The following PEAK1 variants were observed in gnomAD, a reference collection of about 807,000 sequenced individuals.
PEAK1 encodes pseudopodium enriched atypical kinase 1.
In PEAK1, 54 loss-of-function variants were observed where a neutral mutation model predicts 124.7. The ratio of observed to expected loss-of-function variants is 0.43; its 90% CI spans 0.35 to 0.54. PEAK1 has a LOEUF of 0.54. Ranked by LOEUF, PEAK1 falls within the 20% of genes least tolerant of loss-of-function variation. The pLI is 0.01. For missense variants in PEAK1, 2,046 were observed against 2,134.5 expected (o/e 0.96, Z 0.82); for synonymous variants, 719 against 760.0 (o/e 0.95, Z 0.89).
At chr15:77,186,375 A>G (rs900644926) in intron 6 of PEAK1, among the ~76,000 whole-genome samples, 1 of 152,250 alleles carries the variant, frequency 6.6e-6, no homozygotes, top group African/African-American at 2.4e-5. Flanking sequence ...AGTAAAAGTA[A>G]GTTAATTCAG....
chr15:77,311,707 GA>G (rs2064473063), intron 2 of PEAK1, among the ~76,000 whole-genome samples: 1 of 95,920 alleles, frequency 1.0e-5, no homozygotes, highest in African/African-American at 3.7e-5. Flanking sequence ...AAAAAAAAAA[GA>G]AAAAGAAAAC....
intron 7 of PEAK1, among the ~76,000 whole-genome samples, chr15:77,162,385 C>T (rs564118896): frequency 2.6e-4 from 38 of 145,796 alleles, no homozygotes; most frequent in African/African-American, 8.9e-4. Flanking sequence ...TCCCAGGTAT[C>T]GGGGAGGCCG....
At position 77,374,018 on chromosome 15, in the gene PEAK1, A is replaced by C. The variant is rs74025195; in HGVS notation, c.-665-8793T>G. Among the ~76,000 whole-genome samples the C allele has an allele frequency of 3.3e-3, 503 of 152,354 alleles. 3 individuals are homozygous for C. The highest frequency in any genetic ancestry group is 0.011 in the African/African-American group (477 of 41,584). On this transcript the variant is annotated intron_variant, in intron 1 of 9. Coordinates refer to ENST00000682557, the MANE Select transcript of PEAK1 (RefSeq NM_001385026.1). The stretch of plus-strand genomic sequence containing the variant: ...GCTTATCTTGATAATGTGCAAAAAA[A>C]TCTTCAATGTGATACTTTATAGAGA...
chr15:77,148,952 T>A (rs1359584024), intron 8 of PEAK1, among the ~76,000 whole-genome samples: 2 of 152,128 alleles, frequency 1.3e-5, no homozygotes, highest in Admixed American at 6.6e-5. Flanking sequence ...AGTATTTTTT[T>A]AAAAGGAAAA....
chr15:77,202,161 A>G (rs1050675571), intron 6 of PEAK1, among the ~76,000 whole-genome samples: 2 of 152,104 alleles, frequency 1.3e-5, no homozygotes, highest in African/African-American at 4.8e-5. Context: ...TAAAACCTCT[A>G]TGTTCAAGAA....
At chr15:77,249,304 C>A (rs142967994) in intron 6 of PEAK1, among the ~76,000 whole-genome samples, 1 of 152,050 alleles carries the variant, frequency 6.6e-6, no homozygotes, top group Admixed American at 6.6e-5. Context: ...AGAATATACT[C>A]CCCTACCCAC....
intron 6 of PEAK1, among the ~76,000 whole-genome samples, chr15:77,197,825 G>A (rs1010259918): frequency 2.6e-5 from 4 of 152,002 alleles, no homozygotes; most frequent in African/African-American, 4.8e-5. Context: ...TTTGAACTGC[G>A]CAGTTCAACT....
chr15:77,181,544 T>C lies in PEAK1; in HGVS notation c.383A>G (p.His128Arg). Residue 128 changes from histidine to arginine, a missense_variant, in exon 7 of 10, where the codon CAT becomes CGT. By Grantham distance (29) the His-to-Arg change is conservative. Coordinates refer to ENST00000682557, the MANE Select transcript of PEAK1 (RefSeq NM_001385026.1). ...ATTATTGCCATAAGGCTTAGGAACA[T>C]GGCTAATTCCTTCATCATCTTCATT... ...NNNEDDEGISHVPKPYGNNDS... is the reference protein window; with the variant it reads ...NNNEDDEGISRVPKPYGNNDS... The C allele has an allele frequency of 1.9e-6, 3 of 1,614,152 alleles. No individual in the cohort carries two copies. The highest frequency in any genetic ancestry group is 1.1e-5 in the South Asian group (1 of 91,074).
chr15:77,261,444 A>T (rs2061434825), intron 5 of PEAK1, among the ~76,000 whole-genome samples: 1 of 152,242 alleles, frequency 6.6e-6, no homozygotes, highest in Non-Finnish European at 1.5e-5. Flanking sequence ...GATGGAGCTG[A>T]AAACCACGGC....
At chr15:77,201,248 T>A (rs2058349047) in intron 6 of PEAK1, among the ~76,000 whole-genome samples, 1 of 144,468 alleles carries the variant, frequency 6.9e-6, no homozygotes, top group South Asian at 2.3e-4. Flanking sequence ...TTTTTTTTTT[T>A]TTTTTTTGAG....
rs535071133 is a variant in PEAK1, at chr15:77,141,686, T to C, written c.3332-7936A>G. 2.2e-4 allele frequency among the ~76,000 whole-genome samples: 33 copies of C among 152,254 alleles called. 1 individual carries two copies. The South Asian group carries it at 6.6e-3, about 31-fold the overall frequency. On this transcript the variant is annotated intron_variant, in intron 8 of 9. Coordinates refer to ENST00000682557, the MANE Select transcript of PEAK1 (RefSeq NM_001385026.1). ...ACTGGCGTAAGAATAGAAATATAGATGAATGAAATATATTTGAGAGCGCAG... is the reference window on the plus strand; with the variant it reads ...ACTGGCGTAAGAATAGAAATATAGACGAATGAAATATATTTGAGAGCGCAG...
chr15:77,281,409 C>A (rs1488614691), intron 5 of PEAK1, among the ~76,000 whole-genome samples: 1 of 152,104 alleles, frequency 6.6e-6, no homozygotes, highest in Non-Finnish European at 1.5e-5. Context: ...TTGCAAAGAT[C>A]TTCATTTCTC....
intron 5 of PEAK1, among the ~76,000 whole-genome samples, chr15:77,277,703 A>T (rs2152961871): frequency 6.6e-6 from 1 of 152,328 alleles, no homozygotes; most frequent in East Asian, 1.9e-4. Flanking sequence ...GAAAAAAATT[A>T]TAGCAACTTT....
chr15:77,356,108 G>C (rs1337111386), intron 2 of PEAK1: 1 of 199,102 alleles, frequency 5.0e-6, no homozygotes. Context: ...GGTTCCCTCT[G>C]GTGAGGGATA....
chr15:77,285,820 G>A (rs1220170785), intron 3 of PEAK1, among the ~76,000 whole-genome samples: 1 of 151,976 alleles, frequency 6.6e-6, no homozygotes, highest in East Asian at 1.9e-4. Context: ...TGCATTCATT[G>A]ATTTTTTGAA....
intron 1 of PEAK1, among the ~76,000 whole-genome samples, chr15:77,377,487 C>A (rs1373017342): frequency 6.6e-6 from 1 of 150,506 alleles, no homozygotes; most frequent in Non-Finnish European, 1.5e-5. Context: ...GAGTCTCACT[C>A]TGTTGCCCAG....
intron 7 of PEAK1, among the ~76,000 whole-genome samples, chr15:77,177,049 C>T (rs1210852093): frequency 3.3e-5 from 5 of 152,118 alleles, no homozygotes; most frequent in Admixed American, 6.5e-5. Context: ...CCTCCACCTC[C>T]CGGTTCAAGT....
At chr15:77,191,544 C>G (rs1337190657) in intron 6 of PEAK1, among the ~76,000 whole-genome samples, 1 of 152,166 alleles carries the variant, frequency 6.6e-6, no homozygotes, top group East Asian at 1.9e-4. Context: ...CTGTTTAAGA[C>G]TTATTGCTTC....
intron 2 of PEAK1, chr15:77,348,053 AC>A (rs2066976468): frequency 5.1e-6 from 5 of 985,276 alleles, no homozygotes; most frequent in Non-Finnish European, 6.0e-6. Flanking sequence ...AAATATATGC[AC>A]TTTTCTACAA....
Sources: allele counts gnomAD v4.1 joint callset (sites outside exome capture counted in the v4.1 genomes callset), GRCh38; gene constraint gnomAD v4.1.1; transcripts MANE v1.5; gene names NCBI Gene and HGNC (gene_info 2026-07-23, HGNC 2026-07-21).